GLT1D1: variants seen among roughly 807,000 people sequenced by gnomAD.
GLT1D1 encodes the protein glycosyltransferase 1 domain-containing protein 1.
A neutral mutation model predicts 28.7 loss-of-function variants in GLT1D1; 21 were observed. The ratio of observed to expected loss-of-function variants is 0.73; its 90% CI spans 0.52 to 1.05. The LOEUF (loss-of-function observed/expected upper bound fraction) is 1.05. Among genes scored for constraint, GLT1D1 ranks in the 50% least tolerant of loss-of-function variants. The probability of loss-of-function intolerance (pLI) is 0.00; values close to 1 mark genes in which losing one functional copy is unlikely to be tolerated. For synonymous variants in GLT1D1, 147 were observed against 124.8 expected, an observed-to-expected ratio of 1.18 and a Z score of -1.19; for missense variants, 343 against 330.6, an observed-to-expected ratio of 1.04 and a Z score of -0.29.
chr12:128,946,614 T>C (rs2135492660), intron 5 of GLT1D1, among the ~76,000 whole-genome samples: 1 of 145,618 alleles, frequency 6.9e-6, no homozygotes, highest in Middle Eastern at 3.6e-3. Flanking sequence ...ATTACAGGCG[T>C]GAGCCACTGC....
At chr12:128,863,333 A>G (rs12230080) in intron 1 of GLT1D1, among the ~76,000 whole-genome samples, 38,974 of 151,758 alleles carry the variant, frequency 0.26, 5,302 homozygotes, top group South Asian at 0.53. Context: ...CTGGAATGGG[A>G]GCTTTGTGAC....
chr12:128,976,777 T>C (rs947961925), intron 7 of GLT1D1, among the ~76,000 whole-genome samples: 3 of 152,212 alleles, frequency 2.0e-5, no homozygotes, highest in African/African-American at 7.2e-5. Flanking sequence ...GGAGTTTTTT[T>C]CCCCTTCTGT....
At chr12:128,862,341 A>C (rs1163136077) in intron 1 of GLT1D1, among the ~76,000 whole-genome samples, 2 of 150,970 alleles carry the variant, frequency 1.3e-5, no homozygotes, top group South Asian at 4.2e-4. Flanking sequence ...AAAAAAAAAA[A>C]AAAAAACCAC....
chr12:128,914,980 C>G, intron 4 of GLT1D1: 2 of 1,535,752 alleles, frequency 1.3e-6, no homozygotes, highest in Non-Finnish European at 1.7e-6. Context: ...TACCTTTCTT[C>G]AACGCTCTGG....
intron 1 of GLT1D1, among the ~76,000 whole-genome samples, chr12:128,875,054 TTGTGTGTGTGTGTGTG>T (rs376956933): frequency 6.9e-4 from 99 of 143,798 alleles, no homozygotes; most frequent in Non-Finnish European, 1.0e-3. Context: ...GACATAAATA[TTGTGTGTGTGTGTGTG>T]TGTGTGTGTG....
chr12:128,932,924 T>C (rs543156388), intron 4 of GLT1D1, among the ~76,000 whole-genome samples: 11 of 152,328 alleles, frequency 7.2e-5, no homozygotes, highest in Middle Eastern at 3.4e-3. Flanking sequence ...TTTGAGTTTC[T>C]ACGTTTCTAA....
chr12:128,903,306 T>A (rs969258661), intron 4 of GLT1D1, among the ~76,000 whole-genome samples: 4 of 151,718 alleles, frequency 2.6e-5, no homozygotes. Flanking sequence ...GGGTCTGTCA[T>A]CCTGTTTTAG....
chr12:128,958,785 A>G (rs1223022073), intron 7 of GLT1D1, among the ~76,000 whole-genome samples: 1 of 136,178 alleles, frequency 7.3e-6, no homozygotes, highest in Non-Finnish European at 1.6e-5. Flanking sequence ...AAAGGAAGGC[A>G]TTGTCACTAC....
rs200053987 is a variant in GLT1D1 at position 128,908,323 on chromosome 12, C to CTTCTTTCTTTCTTTCTTTCTTTCT, written c.375+9059_375+9060insTTTCTTTCTTTCTTTCTTTCTTTC. ...CACCCACGTATTTTCTTTTACTTTC[C>CTTCTTTCTTTCTTTCTTTCTTTCT]TTCTTTCTTTCTTTCTTTCTTTCCC... On this transcript the variant is annotated intron_variant, in intron 4 of 7. Coordinates refer to ENST00000281703, the MANE Select transcript of GLT1D1 (RefSeq NM_144669.3). Among the ~76,000 whole-genome samples the CTTCTTTCTTTCTTTCTTTCTTTCT allele has an allele frequency of 4.4e-3, 654 of 147,308 alleles. 8 individuals carry two copies. The highest frequency in any genetic ancestry group is 0.012 in the East Asian group (57 of 4,938).
chr12:128,860,730 G>GTT (rs763591104), intron 1 of GLT1D1, among the ~76,000 whole-genome samples: 6 of 152,138 alleles, frequency 3.9e-5, no homozygotes, highest in Non-Finnish European at 8.8e-5. Context: ...AGAATAGACC[G>GTT]TTTTGTGTGT....
At chr12:128,950,543 C>A (rs1173354858) in intron 6 of GLT1D1, among the ~76,000 whole-genome samples, 1 of 152,188 alleles carries the variant, frequency 6.6e-6, no homozygotes, top group African/African-American at 2.4e-5. Flanking sequence ...ATGGTGGTTT[C>A]CAGCCCCAGG....
intron 1 of GLT1D1, among the ~76,000 whole-genome samples, chr12:128,861,242 G>A (rs1174737278): frequency 2.6e-5 from 4 of 152,174 alleles, no homozygotes; most frequent in Admixed American, 2.0e-4. Flanking sequence ...ATACGCTTAC[G>A]TGTTGTTCAC....
At position 128,888,783 on chromosome 12, in the gene GLT1D1, A is replaced by G. The variant is rs773884713; in HGVS notation, c.323+39A>G. The G allele has an allele frequency of 6.2e-6, 8 of 1,296,150 alleles. No individual in the cohort carries two copies. In the East Asian group the frequency reaches 1.6e-4, roughly 26 times the overall value. The allele number at this position is 1,296,150 out of a possible 1,614,324, so 80.3% of individuals were successfully genotyped here. Reference sequence around the variant, plus strand: ...GAATTTCATCCATGCCAAACATTTAAACTGTGTGAATTGAATTAATTGAAA... The same window carrying G: ...GAATTTCATCCATGCCAAACATTTAGACTGTGTGAATTGAATTAATTGAAA... On this transcript the variant is annotated intron_variant, in intron 3 of 7. Transcript: ENST00000281703.
intron 1 of GLT1D1, among the ~76,000 whole-genome samples, chr12:128,867,419 G>GAAAAAA (rs1318656397): frequency 0.015 from 1,643 of 111,768 alleles, 36 homozygotes; most frequent in African/African-American, 0.044. Flanking sequence ...AAAAAAAACA[G>GAAAAAA]AAAAAAAAAA....
At chr12:128,945,040 T>A (rs1336644523) in intron 4 of GLT1D1, 2 of 634,922 alleles carry the variant, frequency 3.1e-6, no homozygotes, top group East Asian at 5.5e-5. Context: ...AGTGAGAACA[T>A]GTAACAGGCC....
intron 6 of GLT1D1, among the ~76,000 whole-genome samples, chr12:128,952,654 TA>T (rs1876833584): frequency 6.6e-6 from 1 of 150,822 alleles, no homozygotes. Flanking sequence ...TTTTTTTTTT[TA>T]GTAGAGATGG....
chr12:128,856,571 T>A (rs527942867), intron 1 of GLT1D1, among the ~76,000 whole-genome samples: 4 of 152,102 alleles, frequency 2.6e-5, no homozygotes, highest in Admixed American at 2.6e-4. Flanking sequence ...TCTGGAGGGA[T>A]GGTCCCAGGA....
At chr12:128,865,410 A>G (rs879621791) in intron 1 of GLT1D1, among the ~76,000 whole-genome samples, 2 of 152,228 alleles carry the variant, frequency 1.3e-5, no homozygotes, top group Admixed American at 6.5e-5. Flanking sequence ...TGGAATGATT[A>G]TATCACGGTA....
chr12:128,929,410 T>C (rs1318972843), intron 4 of GLT1D1, among the ~76,000 whole-genome samples: 1 of 152,316 alleles, frequency 6.6e-6, no homozygotes, highest in Non-Finnish European at 1.5e-5. Flanking sequence ...GGGTGTACCA[T>C]TGGCAGTGAT....
Sources: gnomAD v4.1 joint callset for allele counts (sites outside exome capture counted in the v4.1 genomes callset) on GRCh38, gnomAD v4.1.1 for gene constraint, MANE v1.5 for transcripts, NCBI Gene and HGNC (gene_info 2026-07-23, HGNC 2026-07-21) for gene names.